The following TRIO variants were observed in gnomAD, a reference collection of about 807,000 sequenced individuals.
TRIO encodes the protein trio Rho guanine nucleotide exchange factor.
Under a neutral mutation model 351.9 loss-of-function variants are expected in TRIO, and 58 were observed. The ratio of observed to expected loss-of-function variants is 0.16; its 90% CI spans 0.13 to 0.21. The LOEUF is 0.21. Ranked by LOEUF, TRIO falls within the 10% of genes least tolerant of loss-of-function variation. The pLI is 1.00. For synonymous variants in TRIO, 1,758 were observed against 1,595.7 expected (o/e 1.10, Z -2.42); for missense variants, 3,201 against 4,027.8 (o/e 0.79, Z 5.56).
chr5:14,157,082 A>T (rs967043817), intron 1 of TRIO, among the ~76,000 whole-genome samples: 8 of 149,072 alleles, frequency 5.4e-5, no homozygotes, highest in Admixed American at 6.6e-5. Context: ...GTAGAGGAGG[A>T]TGGGTCGAGC....
At chr5:14,293,281 C>G in intron 6 of TRIO, 147 bp downstream of exon 6, 1 of 1,139,684 alleles carries the variant, frequency 8.8e-7, no homozygotes, top group East Asian at 2.5e-5. Flanking sequence ...AGGGTGTTCC[C>G]TAGGGTTCCA....
At chr5:14,351,726 T>C (rs562915747) in intron 11 of TRIO, among the ~76,000 whole-genome samples, 24 of 152,242 alleles carry the variant, frequency 1.6e-4, no homozygotes, top group African/African-American at 5.8e-4. Context: ...CCCCAGGAGA[T>C]GTGTTGGGCC....
chr5:14,509,495 T>C lies in TRIO; in HGVS notation c.*1073T>C, dbSNP rs1229638760. On this transcript the variant is annotated 3_prime_UTR_variant, in exon 57 of 57. Coordinates refer to ENST00000344204, the MANE Select transcript of TRIO (RefSeq NM_007118.4). ...GAGGACTGTAAAAGTGATTTCATAC[T>C]CTGAATATAAAACTGGATAATAGGG... 2.2e-6 allele frequency: 1 copy of C among 446,270 alleles called. No homozygotes were observed. The highest frequency in any genetic ancestry group is 4.5e-6 in the Non-Finnish European group (1 of 224,620). 27.6% of individuals were successfully genotyped at this position (446,270 alleles called of 1,614,324 possible).
At chr5:14,406,335 T>C in intron 32 of TRIO, 1 of 567,164 alleles carries the variant, frequency 1.8e-6, no homozygotes, top group South Asian at 2.1e-5. Context: ...ATGGCAACGA[T>C]CATATCAACT....
intron 9 of TRIO, among the ~76,000 whole-genome samples, chr5:14,328,878 C>T (rs892141583): frequency 6.6e-6 from 1 of 152,146 alleles, no homozygotes; most frequent in Non-Finnish European, 1.5e-5. Flanking sequence ...CACCCCACAC[C>T]TCCCACACGT....
intron 20 of TRIO, among the ~76,000 whole-genome samples, chr5:14,378,426 G>A (rs1745757205): frequency 6.6e-6 from 1 of 152,024 alleles, no homozygotes; most frequent in African/African-American, 2.4e-5. Context: ...GGGAATCTTG[G>A]TTCTGTACTT....
At chr5:14,178,399 AC>A (rs1339970470) in intron 1 of TRIO, among the ~76,000 whole-genome samples, 1 of 152,130 alleles carries the variant, frequency 6.6e-6, no homozygotes, top group Admixed American at 6.5e-5. Flanking sequence ...CATGTTAGGA[AC>A]CCTCTTATGG....
chr5:14,461,100 G>T lies in TRIO; in HGVS notation c.5285G>T (p.Ser1762Ile). 1 of 1,565,658 alleles carries T rather than the reference G, an allele frequency of 6.4e-7. No homozygotes were observed. Among genetic ancestry groups the T allele is most frequent in the Admixed American group, 1.9e-5 (1 of 53,744 alleles). The change falls in exon 35 of 57, where the codon AGC becomes ATC. Residue 1762 changes from serine to isoleucine, a missense_variant. Ser to Ile is a moderately radical substitution (Grantham distance 142, BLOSUM62 -2). Transcript: ENST00000344204. ...SLQPHMIGAQ[S>I]SPGPKRPGNT... is the part of the protein sequence containing the mutation. ...CAGCCCCACATGATCGGGGCCCAGA[G>T]CTCGCCGGGCCCCAAGCGGCCGGGC...
chr5:14,275,449 A>G (rs1019523137), intron 2 of TRIO, among the ~76,000 whole-genome samples: 1 of 152,198 alleles, frequency 6.6e-6, no homozygotes, highest in African/African-American at 2.4e-5. Flanking sequence ...ACTTGCTTCA[A>G]TTTTAAGTAA....
At position 14,358,927 on chromosome 5, in the gene TRIO, C is replaced by T. The variant is rs1308292987; in HGVS notation, c.2217-430C>T. ...ATCGTTGACTGATAACTTTACGTGA[C>T]GTTCACTTTGCTGAGAGAGGCAGGC... On this transcript the variant is annotated intron_variant, in intron 12 of 56. Coordinates refer to ENST00000344204, the MANE Select transcript of TRIO (RefSeq NM_007118.4). 4.6e-5 allele frequency among the ~76,000 whole-genome samples: 7 copies of T among 152,284 alleles called. No homozygotes were observed. In the South Asian group the frequency reaches 1.0e-3, roughly 23 times the overall value.
At chr5:14,196,698 A>G (rs1319578543) in intron 1 of TRIO, among the ~76,000 whole-genome samples, 1 of 152,204 alleles carries the variant, frequency 6.6e-6, no homozygotes, top group Admixed American at 6.5e-5. Context: ...AAGTTAGGTT[A>G]CTTGCCCAAA....
At chr5:14,480,567 A>G (rs1579780023) in intron 43 of TRIO, among the ~76,000 whole-genome samples, 1 of 152,358 alleles carries the variant, frequency 6.6e-6, no homozygotes, top group Non-Finnish European at 1.5e-5. Context: ...ATTCTTAAGC[A>G]TAACCGAAGG....
intron 10 of TRIO, among the ~76,000 whole-genome samples, chr5:14,336,126 T>A (rs1373663537): frequency 6.6e-6 from 1 of 152,214 alleles, no homozygotes; most frequent in Non-Finnish European, 1.5e-5. Context: ...TCGTAAAGCA[T>A]TGTATCATAC....
chr5:14,249,995 A>G (rs534515013), intron 1 of TRIO, among the ~76,000 whole-genome samples: 121 of 152,356 alleles, frequency 7.9e-4, no homozygotes, highest in Non-Finnish European at 1.4e-3. Context: ...TCGAAAAGGC[A>G]CAGGGAAATG....
intron 1 of TRIO, among the ~76,000 whole-genome samples, chr5:14,147,927 A>G (rs1282503616): frequency 6.6e-6 from 1 of 152,218 alleles, no homozygotes; most frequent in Non-Finnish European, 1.5e-5. Context: ...GTAATTTGAT[A>G]GTGAATGTTG....
Position 14,237,441 on chromosome 5 carries a change from G to A in TRIO, c.158-33384G>A, listed in dbSNP as rs570877661. Among the ~76,000 whole-genome samples, 4 of 152,272 alleles carry A rather than the reference G, an allele frequency of 2.6e-5. No individual in the cohort carries two copies. In the South Asian group the frequency reaches 6.2e-4, roughly 24 times the overall value. ...GCTGTTGTGAGTGTCGTGTGATGGG[G>A]CCCGTAAGAAATGGCTTGCATGTTG... is the stretch of plus-strand genomic sequence containing the variant. On this transcript the variant is annotated intron_variant, in intron 1 of 56. Transcript: ENST00000344204.
chr5:14,210,569 A>G (rs1357863807), intron 1 of TRIO, among the ~76,000 whole-genome samples: 1 of 150,688 alleles, frequency 6.6e-6, no homozygotes, highest in Non-Finnish European at 1.5e-5. Flanking sequence ...GTTTCTTCTA[A>G]ATCTCCTTTC....
At chr5:14,457,960 A>C (rs1186650942) in intron 34 of TRIO, among the ~76,000 whole-genome samples, 1 of 151,680 alleles carries the variant, frequency 6.6e-6, no homozygotes, top group East Asian at 1.9e-4. Flanking sequence ...AGGTCCTACT[A>C]GTTGTGATGT....
At chr5:14,162,619 G>A (rs1788538307) in intron 1 of TRIO, among the ~76,000 whole-genome samples, 1 of 152,072 alleles carries the variant, frequency 6.6e-6, no homozygotes, top group African/African-American at 2.4e-5. Flanking sequence ...ATAGAATAAT[G>A]AGCCTGTCTT....
Sources: gnomAD v4.1 joint callset for allele counts (sites outside exome capture counted in the v4.1 genomes callset) on GRCh38, gnomAD v4.1.1 for gene constraint, MANE v1.5 for transcripts, NCBI Gene and HGNC (gene_info 2026-07-23, HGNC 2026-07-21) for gene names.